The following RGPD2 variants were observed in gnomAD, a reference collection of about 807,000 sequenced individuals.
The protein encoded by RGPD2 is RANBP2-like and GRIP domain-containing protein 2.
RGPD2 carries 2 observed loss-of-function variants against 36.0 expected under a neutral mutation model. That is an observed-to-expected ratio of 0.06 (90% CI 0.02 to 0.17). The LOEUF is 0.17. Among genes scored for constraint, RGPD2 ranks in the 10% least tolerant of loss-of-function variants. RGPD2 has a pLI of 1.00. For synonymous variants in RGPD2, 19 were observed against 163.8 expected (o/e 0.12, Z 6.75); for missense variants, 40 against 464.3 (o/e 0.09, Z 8.40).
At chr2:87,875,571 G>A in the RGPD2 span, among the ~76,000 whole-genome samples, 8 of 152,174 alleles carry the variant, frequency 5.3e-5, no homozygotes, top group East Asian at 1.9e-4. Context: ...ACTGGATCAC[G>A]ATGGATAAGC....
the RGPD2 span, among the ~76,000 whole-genome samples, chr2:87,864,337 C>G: frequency 6.6e-6 from 1 of 152,268 alleles, no homozygotes; most frequent in Non-Finnish European, 1.5e-5. Flanking sequence ...GGTTCTTAGG[C>G]CTTTGCATTT....
the RGPD2 span, among the ~76,000 whole-genome samples, chr2:87,912,793 C>G: frequency 7.8e-4 from 86 of 110,758 alleles, no homozygotes; most frequent in African/African-American, 3.0e-3. Flanking sequence ...AATTCCAGAG[C>G]AATATATTGA....
At chr2:87,959,189 T>C in the RGPD2 span, among the ~76,000 whole-genome samples, 9 of 84,494 alleles carry the variant, frequency 1.1e-4, no homozygotes, top group African/African-American at 3.4e-4. Flanking sequence ...CTAGGTTTTG[T>C]AGTGTTCACC....
upstream of RGPD2, among the ~76,000 whole-genome samples, chr2:87,830,409 G>A (rs944795648): frequency 2.0e-5 from 3 of 152,078 alleles, no homozygotes; most frequent in African/African-American, 7.2e-5. Context: ...TTCACTATCA[G>A]CATTTTGGTC....
chr2:87,929,566 T>C, the RGPD2 span, among the ~76,000 whole-genome samples: 1 of 151,490 alleles, frequency 6.6e-6, no homozygotes, highest in Non-Finnish European at 1.5e-5. Context: ...TTCAGTTCCA[T>C]ATGAAATTTA....
chr2:87,948,145 T>C, the RGPD2 span, among the ~76,000 whole-genome samples: 1 of 152,248 alleles, frequency 6.6e-6, no homozygotes, highest in African/African-American at 2.4e-5. Context: ...AATAGGATTC[T>C]GAATTCATCT....
the RGPD2 span, among the ~76,000 whole-genome samples, chr2:87,961,686 T>G: frequency 1.6e-5 from 1 of 62,200 alleles, no homozygotes; most frequent in Non-Finnish European, 3.0e-5. Flanking sequence ...TGGGCGAGAG[T>G]AAGACTTCCT....
At chr2:87,915,332 GTATATATAATGTATATTATATATATTA>G in the RGPD2 span, among the ~76,000 whole-genome samples, 155 of 96,574 alleles carry the variant, frequency 1.6e-3, 3 homozygotes, top group African/African-American at 6.2e-3. Context: ...TATATATATT[GTATATATAATGTATATTATATATATTA>G]TATATATATG....
the RGPD2 span, among the ~76,000 whole-genome samples, chr2:87,886,049 A>G: frequency 6.6e-6 from 1 of 151,844 alleles, no homozygotes; most frequent in East Asian, 1.9e-4. Flanking sequence ...ATAAATTCTA[A>G]CTAATATTTA....
At chr2:87,815,215 A>C (rs914128959) in intron 4 of RGPD2, among the ~76,000 whole-genome samples, 1 of 141,712 alleles carries the variant, frequency 7.1e-6, no homozygotes. Flanking sequence ...CGGGTTAAAC[A>C]GGTTGAGTAT....
the RGPD2 span, among the ~76,000 whole-genome samples, chr2:87,915,022 C>T: frequency 1.3e-5 from 2 of 152,042 alleles, no homozygotes; most frequent in Admixed American, 6.5e-5. Context: ...TGGCGCATGC[C>T]TGTAATCCCA....
chr2:87,923,557 A>T, the RGPD2 span, among the ~76,000 whole-genome samples: 3 of 152,052 alleles, frequency 2.0e-5, no homozygotes, highest in Non-Finnish European at 2.9e-5. Context: ...ATACAGCAGA[A>T]ATTTTGAAAT....
chr2:87,824,689 G>A (rs1368013340), intron 1 of RGPD2, among the ~76,000 whole-genome samples: 2 of 132,154 alleles, frequency 1.5e-5, no homozygotes, highest in African/African-American at 2.8e-5. Context: ...GACTCTAAGT[G>A]TAAGAGAGGT....
the RGPD2 span, among the ~76,000 whole-genome samples, chr2:87,922,285 T>A: frequency 8.4e-6 from 1 of 119,678 alleles, no homozygotes; most frequent in East Asian, 2.3e-4. Flanking sequence ...AGAGCTAGAC[T>A]TCGTCTCAAA....
chr2:87,976,721 T>C, the RGPD2 span, among the ~76,000 whole-genome samples: 1 of 149,448 alleles, frequency 6.7e-6, no homozygotes, highest in East Asian at 2.0e-4. Flanking sequence ...AGTATAATCA[T>C]CTTTTCCATC....
the RGPD2 span, among the ~76,000 whole-genome samples, chr2:87,947,533 C>A: frequency 6.6e-6 from 1 of 152,158 alleles, no homozygotes; most frequent in African/African-American, 2.4e-5. Context: ...GTGTTTTCTT[C>A]CCCAAGAAAG....
the RGPD2 span, among the ~76,000 whole-genome samples, chr2:87,837,339 A>G: frequency 1.3e-5 from 2 of 151,782 alleles, no homozygotes; most frequent in Non-Finnish European, 2.9e-5. Flanking sequence ...TTCTCGACAA[A>G]TTCATAAAAA....
the RGPD2 span, among the ~76,000 whole-genome samples, chr2:87,905,502 T>C: frequency 1.3e-5 from 2 of 151,332 alleles, no homozygotes; most frequent in Non-Finnish European, 2.9e-5. Flanking sequence ...AAGAAAAAAA[T>C]CAATTGAGCT....
At chr2:87,872,784 G>A in the RGPD2 span, among the ~76,000 whole-genome samples, 2 of 151,150 alleles carry the variant, frequency 1.3e-5, no homozygotes, top group African/African-American at 2.5e-5. Context: ...TTCCGAGGCA[G>A]GGTCTTCCTC....
Sources: allele counts gnomAD v4.1 joint callset (sites outside exome capture counted in the v4.1 genomes callset), GRCh38; gene constraint gnomAD v4.1.1; transcripts MANE v1.5; gene names NCBI Gene and HGNC (gene_info 2026-07-23, HGNC 2026-07-21).